Variants in SLC7A9 observed in about 807,000 individuals in gnomAD.
SLC7A9 encodes solute carrier family 7 member 9.
In SLC7A9, 38 loss-of-function variants were observed where a neutral mutation model predicts 54.1. The observed-to-expected ratio is 0.70, with a 90% CI of 0.54 to 0.92. The LOEUF (loss-of-function observed/expected upper bound fraction) is 0.92. Ranked by LOEUF, SLC7A9 falls within the 40% of genes least tolerant of loss-of-function variation. The pLI, the probability that SLC7A9 is intolerant of heterozygous loss-of-function variation, is 0.00. For synonymous variants in SLC7A9, 264 were observed against 258.9 expected (o/e 1.02, Z -0.19); for missense variants, 537 against 636.1 (o/e 0.84, Z 1.68).
chr19:32,856,497 G>T (rs73036834), intron 9 of SLC7A9, among the ~76,000 whole-genome samples: 15,041 of 152,130 alleles, frequency 0.099, 925 homozygotes, highest in Middle Eastern at 0.17. Context: ...CCCAGCCAGT[G>T]AATTTTTAAT....
intron 2 of SLC7A9, among the ~76,000 whole-genome samples, chr19:32,866,389 G>A (rs969520650): frequency 8.5e-5 from 13 of 152,108 alleles, no homozygotes; most frequent in Non-Finnish European, 1.8e-4. Context: ...GTCTGCATTC[G>A]CCCTGAAGCT....
intron 9 of SLC7A9, among the ~76,000 whole-genome samples, chr19:32,847,695 G>T (rs1360959150): frequency 1.3e-5 from 2 of 152,108 alleles, no homozygotes; most frequent in African/African-American, 4.8e-5. Context: ...ATGCCACAAA[G>T]ATACTCCTCG....
intron 11 of SLC7A9, among the ~76,000 whole-genome samples, chr19:32,836,126 G>T (rs1259124560): frequency 6.6e-6 from 1 of 152,140 alleles, no homozygotes; most frequent in East Asian, 1.9e-4. Flanking sequence ...TGTTGGCTAG[G>T]ATGGTCTCGA....
rs781035621 is a variant in SLC7A9 at position 32,862,099 on chromosome 19, A to G, written c.704+19T>C. On this transcript the variant is annotated intron_variant, in intron 6 of 12. Coordinates refer to ENST00000023064, the MANE Select transcript of SLC7A9 (RefSeq NM_014270.5). Reference sequence around the variant, plus strand: ...AACCCCACCCACCCCCAGACTCGGGACATCTCAGGACACCTCACCATCCAT... The same window carrying G: ...AACCCCACCCACCCCCAGACTCGGGGCATCTCAGGACACCTCACCATCCAT... 6.5e-7 allele frequency: 1 copy of G among 1,547,054 alleles called. No individual in the cohort carries two copies. The highest frequency in any genetic ancestry group is 1.4e-5 in the African/African-American group (1 of 73,758).
intron 9 of SLC7A9, 129 bp from the exon 10 acceptor site, chr19:32,844,080 C>G: frequency 1.4e-6 from 1 of 719,998 alleles, no homozygotes; most frequent in Non-Finnish European, 2.5e-6. Flanking sequence ...GAGCAGGGAC[C>G]TGAGCTTCAG....
intron 12 of SLC7A9, 89 bp from the exon 13 acceptor site, chr19:32,830,773 T>C (rs760999482): frequency 8.3e-6 from 9 of 1,081,470 alleles, no homozygotes; most frequent in Non-Finnish European, 1.1e-5. Flanking sequence ...TGACATTGTT[T>C]TCAGTCTTTG....
At chr19:32,841,050 C>T (rs967803699) in intron 11 of SLC7A9, among the ~76,000 whole-genome samples, 5 of 152,134 alleles carry the variant, frequency 3.3e-5, no homozygotes, top group Non-Finnish European at 7.3e-5. Flanking sequence ...GTGGATCTGC[C>T]AGACTCCAGG....
chr19:32,859,778 A>G (rs1968738463), intron 8 of SLC7A9, 63 bp downstream of exon 8: 2 of 1,375,598 alleles, frequency 1.5e-6, no homozygotes, highest in Non-Finnish European at 2.1e-6. Context: ...TCCAGTGCTG[A>G]CACCTGCCTT....
intron 9 of SLC7A9, among the ~76,000 whole-genome samples, chr19:32,850,286 T>C (rs1408313712): frequency 2.3e-4 from 34 of 147,870 alleles, no homozygotes; most frequent in East Asian, 8.1e-4. Context: ...GATAACCCCA[T>C]TGTCTCAGCC....
At position 32,864,655 on chromosome 19, in the gene SLC7A9, G is replaced by A. The variant is rs769448665; in HGVS notation, c.209C>T (p.Ala70Val). The A allele has an allele frequency of 2.9e-5, 47 of 1,613,904 alleles. No homozygotes were observed. Among genetic ancestry groups the A allele is most frequent in the Admixed American group, 5.0e-5 (3 of 60,004 alleles). The change falls in exon 3 of 13, where the codon GCG becomes GTG. Residue 70 changes from alanine to valine, a missense_variant. Ala to Val is a moderately conservative substitution (Grantham distance 64). Coordinates refer to ENST00000023064, the MANE Select transcript of SLC7A9 (RefSeq NM_014270.5). The part of the protein sequence containing the change: ...EAVGPCLIIW[A>V]ACGVLATLGA... ...CAGCGTCGCGAGGACCCCGCAAGCC[G>A]CCCATATGATGAGGCAGGGCCCCAC... is the stretch of plus-strand genomic sequence containing the variant.
In SLC7A9 at chr19:32,833,235, A is replaced by G; in HGVS notation, c.1313T>C (p.Leu438Pro). The G allele has an allele frequency of 6.2e-7, 1 of 1,614,186 alleles. No individual in the cohort carries two copies. Among genetic ancestry groups the G allele is most frequent in the Non-Finnish European group, 8.5e-7 (1 of 1,180,000 alleles). The change falls in exon 12 of 13, where the codon CTC becomes CCC. Residue 438 changes from leucine to proline, a missense_variant. By Grantham distance (98) the Leu-to-Pro change is moderately conservative (BLOSUM62 -3). Transcript: ENST00000023064. ...PIISKPTWEY[L>P]YCVLFILSGL... ...GCTTAATATAAACAGCACACAGTAG[A>G]GGTACTCCCAGGTGGGCTTGCTGAT...
chr19:32,830,813 G>C, intron 12 of SLC7A9, 129 bp from the exon 13 acceptor site: 1 of 744,448 alleles, frequency 1.3e-6, no homozygotes, highest in Non-Finnish European at 2.4e-6. Context: ...CTGTGCTCAG[G>C]ATGGCCAGCT....
chr19:32,842,278 TTA>T lies in SLC7A9; in HGVS notation c.1112_1113del (p.Ile371LysfsTer116), dbSNP rs772235897. On this transcript the variant is annotated frameshift_variant, in exon 11 of 13. Transcript: ENST00000023064. LOFTEE classifies it high-confidence loss of function. ...AAGCTGAAATAATTGACTAACGAGT[TTA>T]TGTCACCAGGGATGATATAAATCGT... ...IATIYIIPGD[I>X]NSLVNYFSFA... The T allele has an allele frequency of 2.5e-6, 4 of 1,613,998 alleles. No homozygotes were observed. Among genetic ancestry groups the T allele is most frequent in the Non-Finnish European group, 3.4e-6 (4 of 1,179,902 alleles).
chr19:32,839,579 G>T (rs912310655), intron 11 of SLC7A9, among the ~76,000 whole-genome samples: 4 of 150,294 alleles, frequency 2.7e-5, no homozygotes, highest in African/African-American at 9.8e-5. Context: ...AAAGTCTCGT[G>T]TAAGGATATT....
In SLC7A9 at chr19:32,864,758, T is replaced by G. The variant is rs779748004; in HGVS notation, c.106A>C (p.Ile36Leu). ...LQKELGLISG[I>L]SIIVGTIIGS... ...ATGATGGTGCCCACGATGATGGAGATGCCACTGATGAGGCCCAGCTGGGTG... is the reference window on the plus strand; with the variant it reads ...ATGATGGTGCCCACGATGATGGAGAGGCCACTGATGAGGCCCAGCTGGGTG... Residue 36 changes from isoleucine (I) to leucine (L), a missense_variant, in exon 3 of 13, where the codon ATC (isoleucine) becomes CTC (leucine). Ile to Leu is a conservative substitution (Grantham distance 5). Transcript: ENST00000023064. 1.2e-6 allele frequency: 2 copies of G among 1,613,990 alleles called. No individual in the cohort carries two copies. Among genetic ancestry groups the G allele is most frequent in the South Asian group, 1.1e-5 (1 of 91,090 alleles).
intron 2 of SLC7A9, among the ~76,000 whole-genome samples, chr19:32,865,077 AG>A (rs1968927737): frequency 6.6e-6 from 1 of 152,164 alleles, no homozygotes; most frequent in Admixed American, 6.5e-5. Context: ...ACAGCTAGAG[AG>A]GGGGAAACCT....
chr19:32,841,203 C>T (rs553067834), intron 11 of SLC7A9, among the ~76,000 whole-genome samples: 3 of 152,152 alleles, frequency 2.0e-5, no homozygotes, highest in South Asian at 2.1e-4. Context: ...TACTTAAGCC[C>T]TCAGCTTACC....
At chr19:32,858,689 AGAG>A in intron 8 of SLC7A9, 146 bp from the exon 9 acceptor site, 1 of 675,854 alleles carries the variant, frequency 1.5e-6, no homozygotes, top group Non-Finnish European at 2.7e-6. Context: ...TGCAGAGGAG[AGAG>A]GAGAACGCCA....
intron 5 of SLC7A9, 26 bp from the exon 6 acceptor site, chr19:32,862,243 G>A (rs1968820748): frequency 6.4e-7 from 1 of 1,574,324 alleles, no homozygotes; most frequent in Non-Finnish European, 8.7e-7. Flanking sequence ...ACAGTGAACG[G>A]CGGGTGTCAA....
Sources: allele counts gnomAD v4.1 joint callset (sites outside exome capture counted in the v4.1 genomes callset), GRCh38; gene constraint gnomAD v4.1.1; transcripts MANE v1.5; gene names NCBI Gene and HGNC (gene_info 2026-07-23, HGNC 2026-07-21).